The following OGFRL1 variants were observed in gnomAD, a reference collection of about 807,000 sequenced individuals.
OGFRL1 encodes opioid growth factor receptor like 1.
In OGFRL1, 26 loss-of-function variants were observed where a neutral mutation model predicts 32.4. That is an observed-to-expected ratio of 0.80 (90% CI 0.59 to 1.11). The LOEUF (loss-of-function observed/expected upper bound fraction) is 1.11, where lower values mean the gene tolerates loss of function less well. OGFRL1 is among the 50% of genes most tolerant of loss of function. The pLI is 0.00. For synonymous variants in OGFRL1, 211 were observed against 201.2 expected (o/e 1.05, Z -0.41); for missense variants, 521 against 546.4 (o/e 0.95, Z 0.46).
rs747349775 is a variant in OGFRL1, at chr6:71,289,078, G to C, written c.142G>C (p.Glu48Gln). The change falls in exon 1 of 7, where the codon GAG (glutamate) becomes CAG (glutamine). Residue 48 changes from glutamate (E) to glutamine (Q), a missense_variant. Physicochemically the swap from Glu to Gln is conservative, Grantham distance 29. Transcript: ENST00000370435. ...GGSEGPGQES[E>Q]QPAQPPEQAG... ...CAGCGAGGGCCCGGGGCAGGAGTCC[G>C]AGCAGCCCGCGCAGCCCCCGGAGCA... is the stretch of plus-strand genomic sequence containing the variant. The C allele has an allele frequency of 1.8e-5, 21 of 1,171,650 alleles. No homozygotes were observed. The highest frequency in any genetic ancestry group is 2.2e-5 in the Non-Finnish European group (21 of 943,856). 72.6% of individuals were successfully genotyped at this position (1,171,650 alleles called of 1,614,324 possible). A position where few individuals can be genotyped will look rare whatever the true frequency, so the allele number is the denominator to read the frequency against.
In OGFRL1 at chr6:71,289,140, C is replaced by G; in HGVS notation, c.204C>G (p.Asp68Glu). The change falls in exon 1 of 7, where the codon GAC becomes GAG. Residue 68 changes from aspartate (D) to glutamate (E), a missense_variant. Coordinates refer to ENST00000370435, the MANE Select transcript of OGFRL1 (RefSeq NM_024576.5). Reference sequence around the variant, plus strand: ...GGCCCGGCGCCAGCCCCGCGCCGGACGAGGACGCCGAGGCGGCGGGCGCCG... The same window carrying G: ...GGCCCGGCGCCAGCCCCGCGCCGGAGGAGGACGCCGAGGCGGCGGGCGCCG... ...GGRPGASPAP[D>E]EDAEAAGAEQ... 4.6e-6 allele frequency: 5 copies of G among 1,094,668 alleles called. No homozygotes were observed. The highest frequency in any genetic ancestry group is 5.5e-6 in the Non-Finnish European group (5 of 902,730). The allele number at this position is 1,094,668 out of a possible 1,614,324, so 67.8% of individuals were successfully genotyped here.
rs1765967275 is a variant in OGFRL1, at chr6:71,289,357, A to C, written c.234+187A>C. The C allele has an allele frequency of 5.1e-6, 5 of 978,958 alleles. No homozygotes were observed. The African/African-American group carries it at 7.0e-5, about 14-fold the overall frequency. The allele number at this position is 978,958 out of a possible 1,614,324, so 60.6% of individuals were successfully genotyped here. A position where few individuals can be genotyped will look rare whatever the true frequency, so the allele number is the denominator to read the frequency against. On this transcript the variant is annotated intron_variant, in intron 1 of 6. Transcript: ENST00000370435. ...AGCCCGGGGGCCTGCAGGAGCCCAA[A>C]GCGCCGGACCCTCCCACTGCCGGCC...
At position 71,296,775 on chromosome 6, in the gene OGFRL1, C is replaced by T; in HGVS notation, c.650C>T (p.Ala217Val). Reference sequence around the variant, plus strand: ...CTGACTGATAAAACTGGAAATGTTGCTCGGGCTGTTAACTGGCAGGAAAGA... The same window carrying T: ...CTGACTGATAAAACTGGAAATGTTGTTCGGGCTGTTAACTGGCAGGAAAGA... ...IKLTDKTGNV[A>V]RAVNWQERFQ... The change falls in exon 6 of 7, where the codon GCT (alanine) becomes GTT (valine). Residue 217 changes from alanine (A) to valine (V), a missense_variant. Transcript: ENST00000370435. 6.2e-7 allele frequency: 1 copy of T among 1,613,434 alleles called. No homozygotes were observed. The highest frequency in any genetic ancestry group is 8.5e-7 in the Non-Finnish European group (1 of 1,179,628).
At position 71,303,906 on chromosome 6, in the gene OGFRL1, T is replaced by C. The variant is rs1766471034; in HGVS notation, c.*1857T>C. On this transcript the variant is annotated 3_prime_UTR_variant, in exon 7 of 7. Transcript: ENST00000370435. Reference sequence around the variant, plus strand: ...GTTAAAGCAATGAATAGATGAAACATGTCTACTTTATTTCATTTAGAAAGG... The same window carrying C: ...GTTAAAGCAATGAATAGATGAAACACGTCTACTTTATTTCATTTAGAAAGG... The C allele has an allele frequency of 6.6e-6, 1 of 152,162 alleles. No individual in the cohort carries two copies. Among genetic ancestry groups the C allele is most frequent in the Non-Finnish European group, 1.5e-5 (1 of 68,004 alleles). 9.4% of individuals were successfully genotyped at this position (152,162 alleles called of 1,614,324 possible). A position where few individuals can be genotyped will look rare whatever the true frequency, so the allele number is the denominator to read the frequency against.
intron 1 of OGFRL1, chr6:71,289,735 C>G (rs1765988517): frequency 1.0e-6 from 1 of 985,304 alleles, no homozygotes. Flanking sequence ...GGGCATTCTT[C>G]ACGAATCTTA....
In OGFRL1 at chr6:71,303,827, A is replaced by T. The variant is rs1389319056; in HGVS notation, c.*1778A>T. The T allele has an allele frequency of 6.6e-6, 1 of 152,170 alleles. No individual in the cohort carries two copies. Among genetic ancestry groups the T allele is most frequent in the African/African-American group, 2.4e-5 (1 of 41,454 alleles). 9.4% of individuals were successfully genotyped at this position (152,170 alleles called of 1,614,324 possible). A position where few individuals can be genotyped will look rare whatever the true frequency, so the allele number is the denominator to read the frequency against. On this transcript the variant is annotated 3_prime_UTR_variant, in exon 7 of 7. Transcript: ENST00000370435. ...TGTTTCTATATTATTACTAATTATT[A>T]TTACAAATCAAAAAACACTGTGATA...
In OGFRL1 at chr6:71,304,751, A is replaced by G. The variant is rs1469570445; in HGVS notation, c.*2702A>G. ...TCAAGAGAAACACTTCCTGGCATCC[A>G]TCTTAAATAGTGGCCTTTTCCCACT... On this transcript the variant is annotated 3_prime_UTR_variant, in exon 7 of 7. Transcript: ENST00000370435. The G allele has an allele frequency of 6.6e-6, 1 of 152,098 alleles. No individual in the cohort carries two copies. The highest frequency in any genetic ancestry group is 2.4e-5 in the African/African-American group (1 of 41,464). 9.4% of individuals were successfully genotyped at this position (152,098 alleles called of 1,614,324 possible). A position where few individuals can be genotyped will look rare whatever the true frequency, so the allele number is the denominator to read the frequency against.
Position 71,288,976 on chromosome 6 carries a change from A to T in OGFRL1, c.40A>T (p.Thr14Ser). Reference sequence around the variant, plus strand: ...CGGCGGGGTCAGCTTCCGCGAGCCCACCACCGTGGAGGACTGCGACTCCAC... The same window carrying T: ...CGGCGGGGTCAGCTTCCGCGAGCCCTCCACCGTGGAGGACTGCGACTCCAC... ...LLGGVSFREP[T>S]TVEDCDSTWQ... Residue 14 changes from threonine to serine, a missense_variant, in exon 1 of 7, where the codon ACC becomes TCC. Physicochemically the swap from Thr to Ser is moderately conservative, Grantham distance 58. Coordinates refer to ENST00000370435, the MANE Select transcript of OGFRL1 (RefSeq NM_024576.5). 1 of 1,392,840 alleles carries T rather than the reference A, an allele frequency of 7.2e-7. No individual in the cohort carries two copies. Among genetic ancestry groups the T allele is most frequent in the Admixed American group, 2.2e-5 (1 of 46,240 alleles). 86.3% of individuals were successfully genotyped at this position (1,392,840 alleles called of 1,614,324 possible). A position where few individuals can be genotyped will look rare whatever the true frequency, so the allele number is the denominator to read the frequency against.
At position 71,305,086 on chromosome 6, in the gene OGFRL1, G is replaced by C. The variant is rs556405834; in HGVS notation, c.*3037G>C. The C allele has an allele frequency of 5.3e-5, 8 of 152,124 alleles. No homozygotes were observed. In the South Asian group the frequency reaches 1.4e-3, roughly 28 times the overall value. The allele number at this position is 152,124 out of a possible 1,614,324, so 9.4% of individuals were successfully genotyped here. A position where few individuals can be genotyped will look rare whatever the true frequency, so the allele number is the denominator to read the frequency against. ...TTGAGAAGCTGTTATAAAAAATGCAGTGAAGCATGACCAAATAGCTAAAAA... is the reference window on the plus strand; with the variant it reads ...TTGAGAAGCTGTTATAAAAAATGCACTGAAGCATGACCAAATAGCTAAAAA... On this transcript the variant is annotated 3_prime_UTR_variant, in exon 7 of 7. Transcript: ENST00000370435.
chr6:71,291,197 G>C (rs1349577563), intron 1 of OGFRL1, among the ~76,000 whole-genome samples: 1 of 152,198 alleles, frequency 6.6e-6, no homozygotes, highest in Non-Finnish European at 1.5e-5. Context: ...GTTTCAGGAA[G>C]GAGGGATGCT....
At position 71,293,157 on chromosome 6, in the gene OGFRL1, A is replaced by G. The variant is rs540865464; in HGVS notation, c.235-136A>G. ...AGTAAGCGTTATTAAAGGAATATTT[A>G]TAATATTTTCATTAATCTGGACAGA... is the stretch of plus-strand genomic sequence containing the variant. On this transcript the variant is annotated intron_variant, in intron 1 of 6. Coordinates refer to ENST00000370435, the MANE Select transcript of OGFRL1 (RefSeq NM_024576.5). 1.9e-5 allele frequency: 12 copies of G among 644,142 alleles called. No homozygotes were observed. In the Middle Eastern group the frequency reaches 2.3e-3, roughly 122 times the overall value. The allele number at this position is 644,142 out of a possible 1,614,324, so 39.9% of individuals were successfully genotyped here. A position where few individuals can be genotyped will look rare whatever the true frequency, so the allele number is the denominator to read the frequency against.
Position 71,288,887 on chromosome 6 carries a change from C to A in OGFRL1, c.-50C>A. On this transcript the variant is annotated 5_prime_UTR_variant, in exon 1 of 7. Transcript: ENST00000370435. ...TGCCCGGGCCCTAGAGCGCCTGCCG[C>A]AGCTTGCGCCCCGCAGCCCCGCAGC... 5.8e-6 allele frequency: 7 copies of A among 1,210,200 alleles called. No homozygotes were observed. The highest frequency in any genetic ancestry group is 7.3e-6 in the Non-Finnish European group (7 of 958,728). The allele number at this position is 1,210,200 out of a possible 1,614,324, so 75.0% of individuals were successfully genotyped here.
At chr6:71,300,699 T>C (rs1766354481) in intron 6 of OGFRL1, among the ~76,000 whole-genome samples, 1 of 152,184 alleles carries the variant, frequency 6.6e-6, no homozygotes, top group Non-Finnish European at 1.5e-5. Flanking sequence ...GTGGGCACTT[T>C]TCCCCATTTT....
intron 6 of OGFRL1, among the ~76,000 whole-genome samples, chr6:71,300,570 T>C (rs1218318263): frequency 1.3e-5 from 2 of 152,160 alleles, no homozygotes; most frequent in African/African-American, 4.8e-5. Context: ...TGGTGGTCCC[T>C]AATCTCGTAT....
Position 71,304,787 on chromosome 6 carries a change from T to A in OGFRL1, c.*2738T>A, listed in dbSNP as rs1159557595. 1 of 152,086 alleles carries A rather than the reference T, an allele frequency of 6.6e-6. No homozygotes were observed. Among genetic ancestry groups the A allele is most frequent in the East Asian group, 1.9e-4 (1 of 5,200 alleles). The allele number at this position is 152,086 out of a possible 1,614,324, so 9.4% of individuals were successfully genotyped here. On this transcript the variant is annotated 3_prime_UTR_variant, in exon 7 of 7. Transcript: ENST00000370435. ...TGGCCTTTTCCCACTATGGTGTTTTTAAATGCATATTCATATATAATAGTA... is the reference window on the plus strand; with the variant it reads ...TGGCCTTTTCCCACTATGGTGTTTTAAAATGCATATTCATATATAATAGTA...
intron 6 of OGFRL1, among the ~76,000 whole-genome samples, chr6:71,299,416 A>G (rs1239689328): frequency 6.6e-6 from 1 of 152,118 alleles, no homozygotes; most frequent in Non-Finnish European, 1.5e-5. Context: ...ACTCATCATC[A>G]TTTTTTAACC....
At position 71,296,508 on chromosome 6, in the gene OGFRL1, A is replaced by C. The variant is rs759518341; in HGVS notation, c.493A>C (p.Arg165=). The C allele has an allele frequency of 4.3e-6, 7 of 1,609,870 alleles. No individual in the cohort carries two copies. Among genetic ancestry groups the C allele is most frequent in the Non-Finnish European group, 5.9e-6 (7 of 1,178,296 alleles). ...TAAAATAAATAGGCTTTTCCCCCTG[A>C]GAGAACAAGGCTTGAACTTCTATGC... is the stretch of plus-strand genomic sequence containing the variant. ...HTYIQWLFPL[R]EQGLNFYAKE... The change falls in exon 5 of 7, where the codon AGA becomes CGA. Residue 165 remains arginine (R), a synonymous_variant. Coordinates refer to ENST00000370435, the MANE Select transcript of OGFRL1 (RefSeq NM_024576.5).
rs757418904 is a variant in OGFRL1, at chr6:71,301,591, G to A, written c.898G>A (p.Ala300Thr). The change falls in exon 7 of 7, where the codon GCC becomes ACC. Residue 300 changes from alanine (A) to threonine (T), a missense_variant. Physicochemically the swap from Ala to Thr is moderately conservative, Grantham distance 58 (BLOSUM62 0). Coordinates refer to ENST00000370435, the MANE Select transcript of OGFRL1 (RefSeq NM_024576.5). ...AGAAAGGAGAAAGCTCCTGCGGTTC[G>A]CCCAGAAACACTACACGCCTTCAGA... ...RRERRKLLRF[A>T]QKHYTPSENF... The A allele has an allele frequency of 2.2e-5, 36 of 1,614,092 alleles. No individual in the cohort carries two copies. Among genetic ancestry groups the A allele is most frequent in the Non-Finnish European group, 2.9e-5 (34 of 1,180,018 alleles).
intron 3 of OGFRL1, 104 bp downstream of exon 3, chr6:71,293,715 C>A: frequency 1.3e-6 from 1 of 747,626 alleles, no homozygotes; most frequent in Non-Finnish European, 2.2e-6. Flanking sequence ...CTTTGCTATG[C>A]AGTCTAATGT....
Sources: gnomAD v4.1 joint callset for allele counts (sites outside exome capture counted in the v4.1 genomes callset) on GRCh38, gnomAD v4.1.1 for gene constraint, MANE v1.5 for transcripts, NCBI Gene and HGNC (gene_info 2026-07-23, HGNC 2026-07-21) for gene names.